Variants in BRAF observed in about 807,000 individuals in gnomAD.
The protein encoded by BRAF is B-Raf proto-oncogene, serine/threonine kinase, also known as serine/threonine-protein kinase B-raf.
A neutral mutation model predicts 104.6 loss-of-function variants in BRAF; 16 were observed. That is an observed-to-expected ratio of 0.15 (90% confidence interval 0.10 to 0.23). BRAF has a LOEUF of 0.23. BRAF is among the 10% of genes least tolerant of loss of function. The probability of loss-of-function intolerance (pLI) is 1.00; values close to 1 mark genes in which losing one functional copy is unlikely to be tolerated. For synonymous variants in BRAF, 310 were observed against 341.6 expected, an observed-to-expected ratio of 0.91 and a Z score of 1.02; for missense variants, 541 against 937.3, an observed-to-expected ratio of 0.58 and a Z score of 5.52.
chr7:140,771,712 C>G (rs956391422), intron 14 of BRAF, among the ~76,000 whole-genome samples: 1 of 151,968 alleles, frequency 6.6e-6, no homozygotes, highest in African/African-American at 2.4e-5. Flanking sequence ...TACCCTATAG[C>G]CTTATTGTCT....
At chr7:140,780,661 T>G (rs1357407373) in intron 12 of BRAF, 1 of 152,224 alleles carries the variant, frequency 6.6e-6, no homozygotes, top group Admixed American at 6.5e-5. Flanking sequence ...CATCAATAAA[T>G]GTACCTCTAC....
rs183318581 is a variant in BRAF at position 140,847,300 on chromosome 7, C to T, written c.240+2811G>A. Among the ~76,000 whole-genome samples, 18 of 147,902 alleles carry T rather than the reference C, an allele frequency of 1.2e-4. No individual in the cohort carries two copies. The East Asian group carries it at 1.5e-3, about 12-fold the overall frequency. ...CCATTTTTTAAAAAATTGCTATTCC[C>T]GGCCAGGCACGGTGGCTCACGCCTG... On this transcript the variant is annotated intron_variant, in intron 2 of 19. Transcript: ENST00000644969.
chr7:140,855,819 A>C (rs1809716856), intron 1 of BRAF, among the ~76,000 whole-genome samples: 1 of 151,888 alleles, frequency 6.6e-6, no homozygotes, highest in Non-Finnish European at 1.5e-5. Context: ...CAGGAGTTTG[A>C]GACCAGCCTG....
intron 1 of BRAF, among the ~76,000 whole-genome samples, chr7:140,860,414 C>T (rs1186090985): frequency 1.4e-5 from 2 of 147,278 alleles, no homozygotes; most frequent in Non-Finnish European, 1.5e-5. Flanking sequence ...GGTACAATGG[C>T]TCATCCCTGT....
chr7:140,874,691 T>C (rs558786065), intron 1 of BRAF, among the ~76,000 whole-genome samples: 7 of 152,214 alleles, frequency 4.6e-5, no homozygotes, highest in African/African-American at 9.6e-5. Context: ...AGGTCTCCAA[T>C]TGATGTAGCT....
rs531907950 is a variant in BRAF, at chr7:140,874,400, T to C, written c.139-24188A>G. On this transcript the variant is annotated intron_variant, in intron 1 of 19. Coordinates refer to ENST00000644969, the MANE Select transcript of BRAF (RefSeq NM_001374258.1). ...TATTTTCAGTAGAGACGGGGTTTCATCACGTTGGCCAGGATGGCCTCGATC... is the reference window on the plus strand; with the variant it reads ...TATTTTCAGTAGAGACGGGGTTTCACCACGTTGGCCAGGATGGCCTCGATC... 3.1e-3 allele frequency among the ~76,000 whole-genome samples: 467 copies of C among 151,722 alleles called. 6 individuals carry two copies. Among genetic ancestry groups the C allele is most frequent in the Non-Finnish European group, 5.8e-3 (393 of 67,878 alleles).
In BRAF at chr7:140,889,504, A is replaced by AT. The variant is rs555000512; in HGVS notation, c.138+35061dup. Among the ~76,000 whole-genome samples, 437 of 152,122 alleles carry AT rather than the reference A, an allele frequency of 2.9e-3. 2 individuals carry two copies. The highest frequency in any genetic ancestry group is 0.014 in the Middle Eastern group (4 of 294). On this transcript the variant is annotated intron_variant, in intron 1 of 19. Coordinates refer to ENST00000644969, the MANE Select transcript of BRAF (RefSeq NM_001374258.1). ...TATCTACTAGGGGTAATGTGCTCAA[A>AT]TTTTTTTTATGATAGAGAACAAAAT...
intron 1 of BRAF, among the ~76,000 whole-genome samples, chr7:140,861,538 G>A (rs1311616773): frequency 4.6e-5 from 7 of 152,142 alleles, no homozygotes; most frequent in Non-Finnish European, 1.0e-4. Flanking sequence ...CTGCCTTAAA[G>A]GGTTGGTTCT....
rs193247273 is a variant in BRAF, at chr7:140,798,692, C to T, written c.980+1670G>A. ...AAAGCTAATTAGGTGCAGTGTCTCA[C>T]GCCTGTAATTCTAGCAGTTTGGGAG... is the stretch of plus-strand genomic sequence containing the variant. On this transcript the variant is annotated intron_variant, in intron 7 of 19. Transcript: ENST00000644969. Among the ~76,000 whole-genome samples, 54 of 151,470 alleles carry T rather than the reference C, an allele frequency of 3.6e-4. No homozygotes were observed. Among genetic ancestry groups the T allele is most frequent in the African/African-American group, 1.2e-3 (50 of 41,280 alleles).
intron 1 of BRAF, among the ~76,000 whole-genome samples, chr7:140,865,479 T>C (rs1810865047): frequency 6.6e-6 from 1 of 152,164 alleles, no homozygotes; most frequent in Non-Finnish European, 1.5e-5. Flanking sequence ...AAGCACTACA[T>C]TCAATTGCCT....
At chr7:140,777,966 A>C (rs1250532957) in intron 13 of BRAF, 25 bp downstream of exon 12, 1 of 1,608,792 alleles carries the variant, frequency 6.2e-7, no homozygotes, top group South Asian at 1.1e-5. Flanking sequence ...CTTTCTCTGG[A>C]AAAGAGTAAT....
Position 140,853,358 on chromosome 7 carries a change from T to G in BRAF, c.139-3146A>C, listed in dbSNP as rs116050663. On this transcript the variant is annotated intron_variant, in intron 1 of 19. Transcript: ENST00000644969. ...CGCCACCCCAACCTAGGCAACAGAG[T>G]GAACCCCATCTCAAAAACAAAACTA... is the stretch of plus-strand genomic sequence containing the variant. 9.9e-3 allele frequency among the ~76,000 whole-genome samples: 1,510 copies of G among 151,866 alleles called. 25 individuals carry two copies. The highest frequency in any genetic ancestry group is 0.034 in the African/African-American group (1,423 of 41,406).
Position 140,924,802 on chromosome 7 carries a change from GGA to G in BRAF, c.-101_-100del. The G allele has an allele frequency of 2.2e-6, 1 of 445,980 alleles. No homozygotes were observed. The highest frequency in any genetic ancestry group is 3.9e-6 in the Non-Finnish European group (1 of 257,178). The allele number at this position is 445,980 out of a possible 1,614,324, so 27.6% of individuals were successfully genotyped here. A position where few individuals can be genotyped will look rare whatever the true frequency, so the allele number is the denominator to read the frequency against. On this transcript the variant is annotated 5_prime_UTR_variant, in exon 1 of 20. Transcript: ENST00000644969. This position sits in a 1 kb window ranked among gnomAD's most constrained non-coding sequence, Gnocchi z 4.2. ...AGGCGGAGGCGGAGGCGGAGGCGGA[GGA>G]GCGGGGGGCGCGGGGGGCGCGGGGA... is the stretch of plus-strand genomic sequence containing the variant.
chr7:140,754,264 T>G (rs2128999795), intron 14 of BRAF, 31 bp from the exon 14 acceptor site: 1 of 1,607,806 alleles, frequency 6.2e-7, no homozygotes, highest in Non-Finnish European at 8.5e-7. Context: ...TTAACCTGAG[T>G]AGGGCTAAAG....
rs570770551 is a variant in BRAF, at chr7:140,834,934, T to C, written c.241-62A>G. 2,086 of 1,588,758 alleles carry C rather than the reference T, an allele frequency of 1.3e-3. 3 individuals carry two copies. The highest frequency in any genetic ancestry group is 1.5e-3 in the Non-Finnish European group (1,783 of 1,160,290). On this transcript the variant is annotated intron_variant, in intron 2 of 19. Coordinates refer to ENST00000644969, the MANE Select transcript of BRAF (RefSeq NM_001374258.1). Reference sequence around the variant, plus strand: ...TTGTCCTGACATTAACAAAAGAGAATATAAAATTTTAGCCTTTGATTATAA... The same window carrying C: ...TTGTCCTGACATTAACAAAAGAGAACATAAAATTTTAGCCTTTGATTATAA...
At position 140,924,454 on chromosome 7, in the gene BRAF, C is replaced by G. The variant is rs939114693; in HGVS notation, c.138+112G>C. The G allele has an allele frequency of 1.4e-6, 2 of 1,468,688 alleles. No individual in the cohort carries two copies. The highest frequency in any genetic ancestry group is 2.2e-4 in the Middle Eastern group (1 of 4,558). 91.0% of individuals were successfully genotyped at this position (1,468,688 alleles called of 1,614,324 possible). A position where few individuals can be genotyped will look rare whatever the true frequency, so the allele number is the denominator to read the frequency against. ...CACCTCCCAGCCCGCGGAGCTGGCC[C>G]GAGAAGGTGGCTGAGGGCATCAAGC... On this transcript the variant is annotated intron_variant, in intron 1 of 19. Transcript: ENST00000644969. This position sits in a 1 kb window ranked among gnomAD's most constrained non-coding sequence, Gnocchi z 4.2.
intron 19 of BRAF, among the ~76,000 whole-genome samples, chr7:140,728,000 G>A (rs1563225168): frequency 6.6e-6 from 1 of 152,140 alleles, no homozygotes; most frequent in Non-Finnish European, 1.5e-5. Context: ...TTTAATCCAG[G>A]AATAACCTAT....
rs547675627 is a variant in BRAF at position 140,870,432 on chromosome 7, C to T, written c.139-20220G>A. Among the ~76,000 whole-genome samples the T allele has an allele frequency of 4.6e-5, 7 of 152,114 alleles. No homozygotes were observed. The East Asian group carries it at 1.3e-3, about 29-fold the overall frequency. Reference sequence around the variant, plus strand: ...ATGCTAAAACTTTAAAGGAAAAACGCCAATTCCATACTTACTCGTTATTAT... The same window carrying T: ...ATGCTAAAACTTTAAAGGAAAAACGTCAATTCCATACTTACTCGTTATTAT... On this transcript the variant is annotated intron_variant, in intron 1 of 19. Coordinates refer to ENST00000644969, the MANE Select transcript of BRAF (RefSeq NM_001374258.1).
Position 140,800,132 on chromosome 7 carries a change from C to CTG in BRAF, c.980+229_980+230insCA. On this transcript the variant is annotated intron_variant, in intron 7 of 19. Coordinates refer to ENST00000644969, the MANE Select transcript of BRAF (RefSeq NM_001374258.1). ...TGTCACTGAAGAGCAGAAGTCAAAT[C>CTG]ATACCCAATATTGATTTTTTCAGGA... 10 of 613,990 alleles carry CTG rather than the reference C, an allele frequency of 1.6e-5. No individual in the cohort carries two copies. In the South Asian group the frequency reaches 2.0e-4, roughly 12 times the overall value. 38.0% of individuals were successfully genotyped at this position (613,990 alleles called of 1,614,324 possible).
Sources: allele counts gnomAD v4.1 joint callset (sites outside exome capture counted in the v4.1 genomes callset), GRCh38; gene constraint gnomAD v4.1.1; non-coding constraint Gnocchi (gnomAD v3.1); transcripts MANE v1.5; gene names NCBI Gene and HGNC (gene_info 2026-07-23, HGNC 2026-07-21).